The following SDCCAG8 variants were observed in gnomAD, a reference collection of about 807,000 sequenced individuals.
SDCCAG8 encodes serologically defined colon cancer antigen 8.
In SDCCAG8, 74 loss-of-function variants were observed where a neutral mutation model predicts 101.8. That is an observed-to-expected ratio of 0.73 (90% CI 0.60 to 0.88). The LOEUF is 0.88. Among genes scored for constraint, SDCCAG8 ranks in the 40% least tolerant of loss-of-function variants. The pLI, the probability that SDCCAG8 is intolerant of heterozygous loss-of-function variation, is 0.00. For synonymous variants in SDCCAG8, 281 were observed against 292.9 expected, an observed-to-expected ratio of 0.96 and a Z score of 0.41; for missense variants, 787 against 822.6, an observed-to-expected ratio of 0.96 and a Z score of 0.53.
At chr1:243,461,575 G>T (rs1426209233) in intron 16 of SDCCAG8, among the ~76,000 whole-genome samples, 1 of 152,178 alleles carries the variant, frequency 6.6e-6, no homozygotes, top group Admixed American at 6.5e-5. Flanking sequence ...TTGCACTGAT[G>T]AGAGATGTTT....
At chr1:243,406,287 A>C (rs1166828178) in intron 13 of SDCCAG8, among the ~76,000 whole-genome samples, 3 of 152,188 alleles carry the variant, frequency 2.0e-5, no homozygotes, top group Non-Finnish European at 4.4e-5. Context: ...GTGTTGTATA[A>C]TAGGATACAG....
chr1:243,276,042 T>A (rs1038031072), intron 4 of SDCCAG8, among the ~76,000 whole-genome samples: 1 of 151,984 alleles, frequency 6.6e-6, no homozygotes, highest in Non-Finnish European at 1.5e-5. Flanking sequence ...TTTTGTATTT[T>A]TTGTAGAGAC....
intron 13 of SDCCAG8, among the ~76,000 whole-genome samples, chr1:243,413,035 G>T (rs188417648): frequency 6.6e-6 from 1 of 152,272 alleles, no homozygotes; most frequent in East Asian, 1.9e-4. Flanking sequence ...TCTAGGCAAT[G>T]AAACATAATG....
At chr1:243,490,239 A>G (rs555692476) in intron 17 of SDCCAG8, among the ~76,000 whole-genome samples, 107 of 152,350 alleles carry the variant, frequency 7.0e-4, no homozygotes, top group African/African-American at 2.5e-3. Context: ...AAATGAGCAC[A>G]CCCAGGCGCC....
chr1:243,454,377 C>T (rs1005040758), intron 16 of SDCCAG8, among the ~76,000 whole-genome samples: 6 of 152,046 alleles, frequency 3.9e-5, no homozygotes, highest in Non-Finnish European at 5.9e-5. Flanking sequence ...TTCCTCTTCC[C>T]GGGACTCATA....
At chr1:243,361,683 A>G (rs1037105209) in intron 12 of SDCCAG8, among the ~76,000 whole-genome samples, 4 of 152,062 alleles carry the variant, frequency 2.6e-5, no homozygotes, top group Non-Finnish European at 5.9e-5. Context: ...CATCTTCCAC[A>G]TATATTCTTT....
rs118064970 is a variant in SDCCAG8, at chr1:243,344,267, A to G, written c.1409A>G (p.Glu470Gly). The G allele has an allele frequency of 3.2e-4, 510 of 1,614,052 alleles. 6 individuals are homozygous for G. The East Asian group carries it at 6.0e-3, about 19-fold the overall frequency. The change falls in exon 12 of 18, where the codon GAG (glutamate) becomes GGG (glycine). Residue 470 changes from glutamate to glycine, a missense_variant. Coordinates refer to ENST00000366541, the MANE Select transcript of SDCCAG8 (RefSeq NM_006642.5). Reference sequence around the variant, plus strand: ...AATAAAACCAACATGGAGAAGGATGAGGCAGAAAAGGAGCACAGAGAGTTC... The same window carrying G: ...AATAAAACCAACATGGAGAAGGATGGGGCAGAAAAGGAGCACAGAGAGTTC... ...QLNKTNMEKD[E>G]AEKEHREFRA... is the part of the protein sequence containing the mutation.
intron 13 of SDCCAG8, among the ~76,000 whole-genome samples, chr1:243,382,707 G>T (rs531744754): frequency 6.6e-6 from 1 of 152,276 alleles, no homozygotes; most frequent in East Asian, 1.9e-4. Flanking sequence ...TGTGAAAAAT[G>T]GATGGGTTGA....
At chr1:243,308,304 A>G in intron 8 of SDCCAG8, 127 bp downstream of exon 8, 1 of 1,099,548 alleles carries the variant, frequency 9.1e-7, no homozygotes, top group Non-Finnish European at 1.4e-6. Context: ...AATACAGTGG[A>G]TTTTAAAAGG....
rs867863636 is a variant in SDCCAG8 at position 243,474,478 on chromosome 1, C to T, written c.1986-14536C>T. Among the ~76,000 whole-genome samples the T allele has an allele frequency of 6.6e-6, 1 of 152,138 alleles. No homozygotes were observed. Among genetic ancestry groups the T allele is most frequent in the Non-Finnish European group, 1.5e-5 (1 of 68,016 alleles). Reference sequence around the variant, plus strand: ...CGAGCCCGGGCCTAGTATCCAGAGTCGAAGCAGCCGCCGGGAGGTCTGGGT... The same window carrying T: ...CGAGCCCGGGCCTAGTATCCAGAGTTGAAGCAGCCGCCGGGAGGTCTGGGT... On this transcript the variant is annotated intron_variant, in intron 16 of 17. Coordinates refer to ENST00000366541, the MANE Select transcript of SDCCAG8 (RefSeq NM_006642.5). The surrounding 1 kb of genome is among the most constrained non-coding windows in gnomAD (Gnocchi z 4.7).
intron 8 of SDCCAG8, among the ~76,000 whole-genome samples, chr1:243,314,503 C>T (rs548751683): frequency 6.6e-6 from 1 of 152,304 alleles, no homozygotes; most frequent in South Asian, 2.1e-4. Flanking sequence ...TTGACACCAT[C>T]CTATAGCAGA....
chr1:243,268,006 C>T, intron 1 of SDCCAG8: 1 of 779,400 alleles, frequency 1.3e-6, no homozygotes, highest in Non-Finnish European at 2.4e-6. Flanking sequence ...CGCTGGGATC[C>T]TTCTTTTCTT....
intron 16 of SDCCAG8, among the ~76,000 whole-genome samples, chr1:243,446,722 T>C (rs2082935052): frequency 6.6e-6 from 1 of 152,102 alleles, no homozygotes; most frequent in Admixed American, 6.5e-5. Flanking sequence ...AAACCATCCA[T>C]AGCTACTTGG....
At chr1:243,405,056 G>A (rs2079671086) in intron 13 of SDCCAG8, among the ~76,000 whole-genome samples, 1 of 151,894 alleles carries the variant, frequency 6.6e-6, no homozygotes, top group African/African-American at 2.4e-5. Flanking sequence ...AGTAGAGACG[G>A]GATTTCACCA....
At chr1:243,396,153 C>A (rs1330936024) in intron 13 of SDCCAG8, among the ~76,000 whole-genome samples, 3 of 151,958 alleles carry the variant, frequency 2.0e-5, no homozygotes, top group Non-Finnish European at 4.4e-5. Context: ...TCTAAAATAC[C>A]AGTAAATAAT....
At chr1:243,453,345 A>T (rs1290336113) in intron 16 of SDCCAG8, among the ~76,000 whole-genome samples, 4 of 152,146 alleles carry the variant, frequency 2.6e-5, no homozygotes, top group Admixed American at 2.6e-4. Context: ...ATGCAACATA[A>T]AAGTCCAGGT....
intron 9 of SDCCAG8, among the ~76,000 whole-genome samples, chr1:243,329,249 A>G (rs1453313168): frequency 6.6e-6 from 1 of 152,050 alleles, no homozygotes; most frequent in African/African-American, 2.4e-5. Context: ...TACTCATTGT[A>G]TTTGTTTATT....
chr1:243,358,475 G>A lies in SDCCAG8; in HGVS notation c.1473+14144G>A, dbSNP rs183859461. On this transcript the variant is annotated intron_variant, in intron 12 of 17. Coordinates refer to ENST00000366541, the MANE Select transcript of SDCCAG8 (RefSeq NM_006642.5). ...ACAGATAATAACAAGTGTCGGTGAGGATGTAGAGAAACTGGAACTCCCCCA... is the reference window on the plus strand; with the variant it reads ...ACAGATAATAACAAGTGTCGGTGAGAATGTAGAGAAACTGGAACTCCCCCA... Among the ~76,000 whole-genome samples, 84 of 152,242 alleles carry A rather than the reference G, an allele frequency of 5.5e-4. No homozygotes were observed. The East Asian group carries it at 0.011, about 20-fold the overall frequency.
intron 8 of SDCCAG8, among the ~76,000 whole-genome samples, chr1:243,313,600 G>A (rs568288348): frequency 1.2e-4 from 18 of 152,160 alleles, no homozygotes; most frequent in African/African-American, 4.3e-4. Context: ...CTGGCTTTGC[G>A]TCAAGAAGCT....
Sources: allele counts gnomAD v4.1 joint callset (sites outside exome capture counted in the v4.1 genomes callset), GRCh38; gene constraint gnomAD v4.1.1; non-coding constraint Gnocchi (gnomAD v3.1); transcripts MANE v1.5; gene names NCBI Gene and HGNC (gene_info 2026-07-23, HGNC 2026-07-21).